Variants in CAND2 observed in about 807,000 individuals in gnomAD.
CAND2 encodes cullin-associated NEDD8-dissociated protein 2.
CAND2 carries 62 observed loss-of-function variants against 98.9 expected under a neutral mutation model. The ratio of observed to expected loss-of-function variants is 0.63; its 90% CI spans 0.51 to 0.77. CAND2 has a LOEUF of 0.77. Ranked by LOEUF, CAND2 falls within the 30% of genes least tolerant of loss-of-function variation. CAND2 has a pLI of 0.00. For missense variants in CAND2, 1,501 were observed against 1,655.2 expected (o/e 0.91, Z 1.62); for synonymous variants, 770 against 731.9 (o/e 1.05, Z -0.84).
At position 12,815,546 on chromosome 3, in the gene CAND2, A is replaced by T; in HGVS notation, c.1299+113A>T. On this transcript the variant is annotated intron_variant, in intron 8 of 14. Coordinates refer to ENST00000456430, the MANE Select transcript of CAND2 (RefSeq NM_001162499.2). The surrounding 1 kb of genome is among the most constrained non-coding windows in gnomAD (Gnocchi z 5.7). Reference sequence around the variant, plus strand: ...GGAGAACATCCAGCCATGGAAGGGAAGGGAAGGGGTCCCTGGGGTGGGGGG... The same window carrying T: ...GGAGAACATCCAGCCATGGAAGGGATGGGAAGGGGTCCCTGGGGTGGGGGG... The T allele has an allele frequency of 2.9e-6, 3 of 1,024,892 alleles. No homozygotes were observed. The highest frequency in any genetic ancestry group is 4.2e-6 in the Non-Finnish European group (3 of 722,036). 63.5% of individuals were successfully genotyped at this position (1,024,892 alleles called of 1,614,324 possible).
rs1285478830 is a variant in CAND2 at position 12,810,116 on chromosome 3, G to A, written c.549G>A (p.Gln183=). The change falls in exon 5 of 15, where the codon CAG becomes CAA. Residue 183 remains glutamine (Q), a synonymous_variant. Transcript: ENST00000456430. ...GCCTCCTGCACTGTCTGCTGCCACA[G>A]CTGAGCAGCCCGCGCCTGGCGGTGC... ...HASLLHCLLP[Q]LSSPRLAVRK... is the part of the protein sequence containing the mutation. The A allele has an allele frequency of 1.3e-6, 2 of 1,514,686 alleles. No homozygotes were observed. Among genetic ancestry groups the A allele is most frequent in the East Asian group, 2.6e-5 (1 of 38,706 alleles). 93.8% of individuals were successfully genotyped at this position (1,514,686 alleles called of 1,614,324 possible).
In CAND2 at chr3:12,802,055, C is replaced by T. The variant is rs187579821; in HGVS notation, c.69-1433C>T. ...CCTTCTGGTATCCCTTGGCTGGGCG[C>T]GGTGGCTCACGCCTGTAATCCTAGC... On this transcript the variant is annotated intron_variant, in intron 1 of 14. Coordinates refer to ENST00000456430, the MANE Select transcript of CAND2 (RefSeq NM_001162499.2). Among the ~76,000 whole-genome samples, 141 of 152,262 alleles carry T rather than the reference C, an allele frequency of 9.3e-4. 1 individual carries two copies. The highest frequency in any genetic ancestry group is 1.8e-3 in the Non-Finnish European group (122 of 68,022).
In CAND2 at chr3:12,807,364, C is replaced by T; in HGVS notation, c.271C>T (p.Leu91=). The T allele has an allele frequency of 2.6e-6, 4 of 1,551,700 alleles. No individual in the cohort carries two copies. The highest frequency in any genetic ancestry group is 3.5e-6 in the Non-Finnish European group (4 of 1,146,960). The change falls in exon 3 of 15, where the codon CTG becomes TTG. Residue 91 remains leucine (L), a synonymous_variant. Coordinates refer to ENST00000456430, the MANE Select transcript of CAND2 (RefSeq NM_001162499.2). ...CCAGGTGGAGACCATTGTGGACACC[C>T]TGTGCACCAACATGCGGTCAGACAA... ...EYQVETIVDT[L]CTNMRSDKEQ... is the part of the protein sequence containing the mutation.
chr3:12,833,326 G>A lies in CAND2; in HGVS notation c.3484-429G>A, dbSNP rs116557375. On this transcript the variant is annotated intron_variant, in intron 14 of 14. Coordinates refer to ENST00000456430, the MANE Select transcript of CAND2 (RefSeq NM_001162499.2). ...GGGGCAGGGACTTGAGTATGGGGAG[G>A]AGGCTGCTAGAAGACCATCGCAGTG... 3.0e-3 allele frequency among the ~76,000 whole-genome samples: 464 copies of A among 152,290 alleles called. 2 individuals are homozygous for A. Among genetic ancestry groups the A allele is most frequent in the Middle Eastern group, 6.8e-3 (2 of 294 alleles).
chr3:12,830,265 G>C (rs1346919847), intron 13 of CAND2, among the ~76,000 whole-genome samples: 1 of 152,216 alleles, frequency 6.6e-6, no homozygotes, highest in South Asian at 2.1e-4. Context: ...GGTTGAGAAA[G>C]GGGGTTGGGT....
chr3:12,823,250 G>A (rs941716578), intron 11 of CAND2, among the ~76,000 whole-genome samples: 9 of 150,944 alleles, frequency 6.0e-5, no homozygotes, highest in African/African-American at 1.7e-4. Flanking sequence ...TCATAAGCTG[G>A]GTGGTTATGT....
Position 12,817,273 on chromosome 3 carries a change from C to G in CAND2, c.2341C>G (p.Leu781Val), listed in dbSNP as rs1347380509. 8 of 1,613,888 alleles carry G rather than the reference C, an allele frequency of 5.0e-6. No individual in the cohort carries two copies. Among genetic ancestry groups the G allele is most frequent in the African/African-American group, 1.3e-5 (1 of 74,962 alleles). The change falls in exon 10 of 15, where the codon CTC becomes GTC. Residue 781 changes from leucine (L) to valine (V), a missense_variant. By Grantham distance (32) the Leu-to-Val change is conservative (BLOSUM62 1). This residue lies in a region of CAND2 where 1,427 missense variants were observed against 1,545.3 expected (regional missense o/e 0.92). Coordinates refer to ENST00000456430, the MANE Select transcript of CAND2 (RefSeq NM_001162499.2). Reference sequence around the variant, plus strand: ...GGACTATGCCAAACTCATCAGCCTGCTCACTGCGCCTGTTTATGAGCAGGC... The same window carrying G: ...GGACTATGCCAAACTCATCAGCCTGGTCACTGCGCCTGTTTATGAGCAGGC... ...CVDYAKLISL[L>V]TAPVYEQAVD... is the part of the protein sequence containing the mutation.
rs770498503 is a variant in CAND2, at chr3:12,815,119, G to C, written c.1007-22G>C. ...CTGTCCTGGGAGATGAGGGTTCCAC[G>C]TGTGTCTTGTTCCTGCCCCAGAGAG... On this transcript the variant is annotated intron_variant, in intron 7 of 14. Transcript: ENST00000456430. The surrounding 1 kb of genome is among the most constrained non-coding windows in gnomAD (Gnocchi z 5.7). 2 of 1,587,910 alleles carry C rather than the reference G, an allele frequency of 1.3e-6. No homozygotes were observed. Among genetic ancestry groups the C allele is most frequent in the East Asian group, 2.2e-5 (1 of 44,450 alleles).
intron 13 of CAND2, among the ~76,000 whole-genome samples, chr3:12,830,138 TCTGC>T (rs2062041196): frequency 6.6e-6 from 1 of 152,178 alleles, no homozygotes; most frequent in African/African-American, 2.4e-5. Context: ...GCACTTCCTG[TCTGC>T]CTGTCTCCCC....
intron 1 of CAND2, among the ~76,000 whole-genome samples, chr3:12,802,627 A>C (rs372985530): frequency 6.6e-6 from 1 of 152,224 alleles, no homozygotes; most frequent in African/African-American, 2.4e-5. Flanking sequence ...GTCTGCCACT[A>C]TGTGGCAGTT....
intron 1 of CAND2, among the ~76,000 whole-genome samples, chr3:12,800,056 T>G (rs1249142435): frequency 2.6e-5 from 4 of 152,200 alleles, no homozygotes; most frequent in African/African-American, 4.8e-5. Flanking sequence ...GGGTGCCATC[T>G]CAGAATGTCC....
In CAND2 at chr3:12,817,576, T is replaced by C. The variant is rs2061919227; in HGVS notation, c.2644T>C (p.Ser882Pro). Residue 882 changes from serine to proline, a missense_variant, in exon 10 of 15, where the codon TCG (serine) becomes CCG (proline). By Grantham distance (74) the Ser-to-Pro change is moderately conservative. Coordinates refer to ENST00000456430, the MANE Select transcript of CAND2 (RefSeq NM_001162499.2). ...CAGTGAGGATGTGAGGGCTGCAGCC[T>C]CGTATGCACTGGGCCGTGTGGGTGC... ...SPSEDVRAAASYALGRVGAGS... is the reference protein window; with the variant it reads ...SPSEDVRAAAPYALGRVGAGS... 1 of 1,613,924 alleles carries C rather than the reference T, an allele frequency of 6.2e-7. No homozygotes were observed. Among genetic ancestry groups the C allele is most frequent in the Non-Finnish European group, 8.5e-7 (1 of 1,180,016 alleles).
rs1381646418 is a variant in CAND2, at chr3:12,816,775, C to T, written c.1843C>T (p.Leu615=). The T allele has an allele frequency of 1.2e-6, 2 of 1,613,596 alleles. No individual in the cohort carries two copies. Among genetic ancestry groups the T allele is most frequent in the South Asian group, 1.1e-5 (1 of 91,088 alleles). ...TGGGGATGACCTGGAGCCCACGTTA[C>T]TGCTCCTCCTGGACCGCCTGCGGAA... ...RLGDDLEPTL[L]LLLDRLRNEI... Residue 615 remains leucine (L), a synonymous_variant, in exon 10 of 15, where the codon CTG becomes TTG. Transcript: ENST00000456430.
Position 12,804,248 on chromosome 3 carries a change from G to C in CAND2, c.212+617G>C, listed in dbSNP as rs184649358. 5.4e-3 allele frequency among the ~76,000 whole-genome samples: 829 copies of C among 152,148 alleles called. 6 individuals carry two copies. The highest frequency in any genetic ancestry group is 0.019 in the African/African-American group (784 of 41,514). On this transcript the variant is annotated intron_variant, in intron 2 of 14. Transcript: ENST00000456430. Reference sequence around the variant, plus strand: ...GCAGGTGGATCACCTGAGGTCAGGAGTTTGAGACCAGCCTGACCAACATGG... The same window carrying C: ...GCAGGTGGATCACCTGAGGTCAGGACTTTGAGACCAGCCTGACCAACATGG...
At chr3:12,802,231 G>C (rs2061771711) in intron 1 of CAND2, among the ~76,000 whole-genome samples, 1 of 152,238 alleles carries the variant, frequency 6.6e-6, no homozygotes, top group South Asian at 2.1e-4. Flanking sequence ...GGAGGCTGAG[G>C]CAGGAGAATG....
chr3:12,813,683 C>A (rs941380191), intron 7 of CAND2, among the ~76,000 whole-genome samples: 1 of 152,218 alleles, frequency 6.6e-6, no homozygotes, highest in South Asian at 2.1e-4. Flanking sequence ...CCTGAGATAA[C>A]ACAACTAGGA....
Position 12,833,759 on chromosome 3 carries a change from A to C in CAND2, c.3488A>C (p.Lys1163Thr). The part of the protein sequence containing the change: ...PLRATCTAKV[K>T]AGSVKQEFEK... ...TTCTGCTGTTTCCTACTTTAGGTCA[A>C]AGCTGGTTCTGTGAAGCAGGAGTTT... is the stretch of plus-strand genomic sequence containing the variant. Residue 1163 changes from lysine to threonine, a missense_variant, in exon 15 of 15, where the codon AAA becomes ACA. Transcript: ENST00000456430. 6.2e-7 allele frequency: 1 copy of C among 1,613,656 alleles called. No homozygotes were observed. Among genetic ancestry groups the C allele is most frequent in the Non-Finnish European group, 8.5e-7 (1 of 1,179,572 alleles).
rs905238795 is a variant in CAND2, at chr3:12,817,726, C to A, written c.2794C>A (p.Pro932Thr). Residue 932 changes from proline (P) to threonine (T), a missense_variant, in exon 10 of 15, where the codon CCC becomes ACC. This residue lies in a region of CAND2 where 1,427 missense variants were observed against 1,545.3 expected (regional missense o/e 0.92). Coordinates refer to ENST00000456430, the MANE Select transcript of CAND2 (RefSeq NM_001162499.2). ...GGCCGCCCAGCCTGACAGCCTGAAG[C>A]CCTACGCCGAGGACATCTGGGCCTT... ...LGAAQPDSLK[P>T]YAEDIWALLF... is the part of the protein sequence containing the mutation. 2 of 1,589,554 alleles carry A rather than the reference C, an allele frequency of 1.3e-6. No individual in the cohort carries two copies. Among genetic ancestry groups the A allele is most frequent in the Admixed American group, 3.5e-5 (2 of 57,202 alleles).
intron 13 of CAND2, 34 bp from the exon 14 acceptor site, chr3:12,831,431 A>G (rs767247249): frequency 1.1e-5 from 18 of 1,569,322 alleles, no homozygotes; most frequent in East Asian, 2.2e-5. Flanking sequence ...CTCCTGCACC[A>G]TTTCACTAAG....
Sources: allele counts gnomAD v4.1 joint callset (sites outside exome capture counted in the v4.1 genomes callset), GRCh38; gene constraint gnomAD v4.1.1; regional missense constraint gnomAD v4.1.1; non-coding constraint Gnocchi (gnomAD v3.1); transcripts MANE v1.5; gene names NCBI Gene and HGNC (gene_info 2026-07-23, HGNC 2026-07-21).